Variants in MDGA2 observed in about 807,000 individuals in gnomAD.
MDGA2 encodes the protein MAM domain containing glycosylphosphatidylinositol anchor 2, also known as MAM domain-containing glycosylphosphatidylinositol anchor protein 2.
In MDGA2, 40 loss-of-function variants were observed where a neutral mutation model predicts 117.8. That is an observed-to-expected ratio of 0.34 (90% CI 0.26 to 0.44). The LOEUF is 0.44. Ranked by LOEUF, MDGA2 falls within the 20% of genes least tolerant of loss-of-function variation. MDGA2 has a pLI of 1.00. For synonymous variants in MDGA2, 452 were observed against 439.0 expected (o/e 1.03, Z -0.37); for missense variants, 1,123 against 1,250.6 (o/e 0.90, Z 1.54).
At chr14:46,999,379 G>A (rs1887421165) in intron 8 of MDGA2, among the ~76,000 whole-genome samples, 1 of 151,882 alleles carries the variant, frequency 6.6e-6, no homozygotes, top group Non-Finnish European at 1.5e-5. Context: ...TTAAATTAAG[G>A]TCAAGTGTTT....
At chr14:47,322,753 G>T (rs1890018021) in intron 1 of MDGA2, among the ~76,000 whole-genome samples, 1 of 152,090 alleles carries the variant, frequency 6.6e-6, no homozygotes, top group African/African-American at 2.4e-5. Flanking sequence ...GTAGCCTGTT[G>T]TTATTACTAT....
At chr14:46,874,430 A>G (rs1882143217) in intron 12 of MDGA2, among the ~76,000 whole-genome samples, 1 of 151,858 alleles carries the variant, frequency 6.6e-6, no homozygotes, top group African/African-American at 2.4e-5. Flanking sequence ...AATAATTAAG[A>G]CTCAAACAAT....
intron 6 of MDGA2, among the ~76,000 whole-genome samples, chr14:47,083,010 T>C (rs895980105): frequency 7.2e-5 from 11 of 151,898 alleles, no homozygotes; most frequent in Admixed American, 2.6e-4. Flanking sequence ...GATGGAACAA[T>C]AAGCAATTTG....
At chr14:47,497,884 T>C (rs1052826093) in intron 1 of MDGA2, among the ~76,000 whole-genome samples, 1 of 152,164 alleles carries the variant, frequency 6.6e-6, no homozygotes, top group East Asian at 1.9e-4. Context: ...ACTTCTGACG[T>C]CTACAAATTT....
At chr14:47,139,813 T>TATAC (rs386381288) in intron 4 of MDGA2, among the ~76,000 whole-genome samples, 2 of 142,762 alleles carry the variant, frequency 1.4e-5, no homozygotes, top group Admixed American at 7.3e-5. Flanking sequence ...TGTATATATA[T>TATAC]ACACACATAT....
chr14:46,893,355 G>A (rs756947639), intron 10 of MDGA2, among the ~76,000 whole-genome samples: 4 of 151,926 alleles, frequency 2.6e-5, no homozygotes, highest in African/African-American at 4.8e-5. Flanking sequence ...AGGGGTGTAA[G>A]TGTGAGGAAA....
intron 1 of MDGA2, among the ~76,000 whole-genome samples, chr14:47,672,343 T>C (rs953003651): frequency 1.3e-5 from 2 of 152,156 alleles, no homozygotes; most frequent in African/African-American, 4.8e-5. Context: ...ATTACAATCA[T>C]CAGCTCAGTA....
At chr14:47,600,221 C>G (rs907583699) in intron 1 of MDGA2, among the ~76,000 whole-genome samples, 1 of 151,896 alleles carries the variant, frequency 6.6e-6, no homozygotes, top group South Asian at 2.1e-4. Flanking sequence ...CATGGTGAAA[C>G]CCTGTCTGCA....
rs1895797132 is a variant in MDGA2, at chr14:47,561,153, G to GGTTTTTT, written c.280+113363_280+113364insAAAAAAC. 2.7e-3 allele frequency among the ~76,000 whole-genome samples: 172 copies of GGTTTTTT among 63,844 alleles called. 19 individuals are homozygous for GGTTTTTT. Among genetic ancestry groups the GGTTTTTT allele is most frequent in the East Asian group, 0.014 (10 of 694 alleles). The allele number at this position is 63,844 out of a possible 152,430, so 41.9% of individuals were successfully genotyped here. A position where few individuals can be genotyped will look rare whatever the true frequency, so the allele number is the denominator to read the frequency against. ...TACCTCTATCTTTGTTTTTTTTTTT[G>GGTTTTTT]TTTTGTTTTGTTTTTTTGTTTGTTT... On this transcript the variant is annotated intron_variant, in intron 1 of 16. Coordinates refer to ENST00000399232, the MANE Select transcript of MDGA2 (RefSeq NM_001113498.3).
At chr14:47,595,561 A>AAC (rs1896526066) in intron 1 of MDGA2, among the ~76,000 whole-genome samples, 1 of 150,400 alleles carries the variant, frequency 6.6e-6, no homozygotes, top group South Asian at 2.1e-4. Flanking sequence ...AAAAAACAAA[A>AAC]AAAAAAAAAA....
intron 1 of MDGA2, among the ~76,000 whole-genome samples, chr14:47,426,306 T>C (rs1892688117): frequency 6.6e-6 from 1 of 152,082 alleles, no homozygotes; most frequent in Non-Finnish European, 1.5e-5. Context: ...TTTTTACTTC[T>C]ATTATTATTT....
chr14:47,236,250 C>T (rs1489986082), intron 2 of MDGA2, among the ~76,000 whole-genome samples: 3 of 144,426 alleles, frequency 2.1e-5, no homozygotes, highest in Non-Finnish European at 4.5e-5. Flanking sequence ...GAGATTGGGC[C>T]ACTGTACACC....
intron 2 of MDGA2, among the ~76,000 whole-genome samples, chr14:47,291,995 A>G (rs1412996794): frequency 6.6e-6 from 1 of 152,208 alleles, no homozygotes; most frequent in Non-Finnish European, 1.5e-5. Context: ...ATTAAAAAGC[A>G]TGCATTTGTT....
chr14:46,881,595 A>G (rs1411380603), intron 11 of MDGA2, among the ~76,000 whole-genome samples: 1 of 152,144 alleles, frequency 6.6e-6, no homozygotes, highest in Non-Finnish European at 1.5e-5. Context: ...TGTCAGGGAG[A>G]CGGGGCTCTG....
At chr14:46,993,505 A>C (rs1887173112) in intron 8 of MDGA2, among the ~76,000 whole-genome samples, 3 of 151,264 alleles carry the variant, frequency 2.0e-5, no homozygotes, top group South Asian at 4.2e-4. Flanking sequence ...TCTGTGGCCC[A>C]GGCTGGAGTG....
At chr14:46,965,253 G>T (rs1300817345) in intron 8 of MDGA2, among the ~76,000 whole-genome samples, 1 of 152,096 alleles carries the variant, frequency 6.6e-6, no homozygotes, top group Non-Finnish European at 1.5e-5. Flanking sequence ...TGATTTTTGT[G>T]AGAATTCTTT....
intron 3 of MDGA2, among the ~76,000 whole-genome samples, chr14:47,150,302 T>C (rs912340737): frequency 1.3e-5 from 2 of 152,194 alleles, no homozygotes; most frequent in Non-Finnish European, 2.9e-5. Flanking sequence ...GAAATTCTGT[T>C]ATACTTTTAA....
intron 3 of MDGA2, among the ~76,000 whole-genome samples, chr14:47,151,924 T>A (rs1399466067): frequency 1.3e-5 from 2 of 152,094 alleles, no homozygotes; most frequent in Non-Finnish European, 2.9e-5. Flanking sequence ...TAATCTGTCA[T>A]GAATATAGTC....
At chr14:47,536,055 G>A (rs1419142168) in intron 1 of MDGA2, among the ~76,000 whole-genome samples, 1 of 152,190 alleles carries the variant, frequency 6.6e-6, no homozygotes, top group Non-Finnish European at 1.5e-5. Context: ...GTCATTAAGT[G>A]TGTCCACATC....
Sources: allele counts gnomAD v4.1 joint callset (sites outside exome capture counted in the v4.1 genomes callset), GRCh38; gene constraint gnomAD v4.1.1; transcripts MANE v1.5; gene names NCBI Gene and HGNC (gene_info 2026-07-23, HGNC 2026-07-21).